The following CTIF variants were observed in gnomAD, a reference collection of about 807,000 sequenced individuals.
The protein encoded by CTIF is cap binding complex dependent translation initiation factor.
Under a neutral mutation model 66.0 loss-of-function variants are expected in CTIF, and 21 were observed. That is an observed-to-expected ratio of 0.32 (90% CI 0.23 to 0.46). CTIF has a LOEUF of 0.46. Among genes scored for constraint, CTIF ranks in the 20% least tolerant of loss-of-function variants. The probability of loss-of-function intolerance (pLI) is 1.00; values close to 1 mark genes in which losing one functional copy is unlikely to be tolerated. For synonymous variants in CTIF, 345 were observed against 326.4 expected (o/e 1.06, Z -0.62); for missense variants, 739 against 812.7 (o/e 0.91, Z 1.10).
intron 10 of CTIF, among the ~76,000 whole-genome samples, chr18:48,853,473 C>T (rs761419987): frequency 6.6e-6 from 1 of 152,166 alleles, no homozygotes; most frequent in Non-Finnish European, 1.5e-5. Flanking sequence ...GTGCCTGTCA[C>T]GTGTGCAGCC....
intron 6 of CTIF, among the ~76,000 whole-genome samples, chr18:48,707,933 T>C (rs2092179280): frequency 1.3e-5 from 2 of 152,180 alleles, no homozygotes; most frequent in Non-Finnish European, 1.5e-5. Context: ...CAGATATGCC[T>C]ATTATGGACG....
intron 2 of CTIF, 43 bp downstream of exon 2, chr18:48,619,788 G>A: frequency 6.8e-7 from 1 of 1,465,174 alleles, no homozygotes; most frequent in South Asian, 1.4e-5. Context: ...GAAATTCAGA[G>A]GGGGTGATGC....
chr18:48,838,734 C>T (rs772075235), intron 10 of CTIF, among the ~76,000 whole-genome samples: 34 of 152,220 alleles, frequency 2.2e-4, no homozygotes, highest in Non-Finnish European at 3.8e-4. Context: ...GGCCCCTTAA[C>T]CAGAAGCATA....
chr18:48,573,925 G>T (rs1021295401), intron 1 of CTIF, among the ~76,000 whole-genome samples: 1 of 151,708 alleles, frequency 6.6e-6, no homozygotes, highest in East Asian at 1.9e-4. Flanking sequence ...TGACACCCCT[G>T]GTGGCTGGTG....
intron 1 of CTIF, among the ~76,000 whole-genome samples, chr18:48,547,284 C>T (rs1446151783): frequency 6.6e-6 from 1 of 152,212 alleles, no homozygotes; most frequent in African/African-American, 2.4e-5. Context: ...AGAACATTCT[C>T]CCTACTGCAT....
At chr18:48,590,484 C>G (rs1335484912) in intron 1 of CTIF, among the ~76,000 whole-genome samples, 2 of 152,240 alleles carry the variant, frequency 1.3e-5, no homozygotes, top group African/African-American at 4.8e-5. Context: ...GTGACATAGT[C>G]CAGTGCACCC....
chr18:48,746,494 C>T (rs965480307), intron 7 of CTIF, among the ~76,000 whole-genome samples: 35 of 150,860 alleles, frequency 2.3e-4, no homozygotes, highest in African/African-American at 8.3e-4. Context: ...CAAGCAGATG[C>T]GGCACTATGA....
At chr18:48,822,277 G>A (rs4939816) in intron 10 of CTIF, among the ~76,000 whole-genome samples, 55,101 of 152,038 alleles carry the variant, frequency 0.36, 10,847 homozygotes, top group South Asian at 0.52. Flanking sequence ...TGCATAGAAT[G>A]TGTAATGATC....
intron 1 of CTIF, among the ~76,000 whole-genome samples, chr18:48,542,132 A>T (rs2088636359): frequency 6.6e-6 from 1 of 152,240 alleles, no homozygotes; most frequent in Non-Finnish European, 1.5e-5. Context: ...TTTGTTAACC[A>T]TTCCTAATGA....
Position 48,836,990 on chromosome 18 carries a change from C to T in CTIF, c.1527+19614C>T, listed in dbSNP as rs116565071. 4.8e-3 allele frequency among the ~76,000 whole-genome samples: 730 copies of T among 152,250 alleles called. 3 individuals are homozygous for T. The highest frequency in any genetic ancestry group is 0.016 in the African/African-American group (667 of 41,538). ...TTGTCCCTTCCCATCGCATAAGGAG[C>T]GGGGAAGGGCAGGAAACTGAGGCAG... On this transcript the variant is annotated intron_variant, in intron 10 of 11. Transcript: ENST00000256413.
At position 48,685,851 on chromosome 18, in the gene CTIF, A is replaced by G. The variant is rs534829167; in HGVS notation, c.507+15107A>G. ...GCCACCACGCCTGGCTAATTTTTGT[A>G]TTTTTAGTAGAGATGGGGTTTCACT... is the stretch of plus-strand genomic sequence containing the variant. On this transcript the variant is annotated intron_variant, in intron 6 of 11. Transcript: ENST00000256413. Among the ~76,000 whole-genome samples, 4 of 151,762 alleles carry G rather than the reference A, an allele frequency of 2.6e-5. No individual in the cohort carries two copies. In the South Asian group the frequency reaches 8.3e-4, roughly 32 times the overall value.
intron 1 of CTIF, among the ~76,000 whole-genome samples, chr18:48,576,015 G>A (rs1029253651): frequency 8.5e-5 from 13 of 152,258 alleles, no homozygotes; most frequent in Admixed American, 3.9e-4. Flanking sequence ...GTGCACTGTG[G>A]AACAATCGGC....
At chr18:48,610,073 A>T (rs1205105350) in intron 1 of CTIF, among the ~76,000 whole-genome samples, 7 of 152,200 alleles carry the variant, frequency 4.6e-5, no homozygotes, top group African/African-American at 1.2e-4. Flanking sequence ...TGGGGGAGCC[A>T]CAGGCCCGTC....
rs543097734 is a variant in CTIF at position 48,676,841 on chromosome 18, C to T, written c.507+6097C>T. The stretch of plus-strand genomic sequence containing the variant: ...CTCCCCACTACCTCTCTAAAGAATC[C>T]GAGGGACAAATGAGCTTTCAAAATG... On this transcript the variant is annotated intron_variant, in intron 6 of 11. Coordinates refer to ENST00000256413, the MANE Select transcript of CTIF (RefSeq NM_014772.3). Among the ~76,000 whole-genome samples, 31 of 151,992 alleles carry T rather than the reference C, an allele frequency of 2.0e-4. No individual in the cohort carries two copies. In the South Asian group the frequency reaches 3.9e-3, roughly 19 times the overall value.
intron 7 of CTIF, among the ~76,000 whole-genome samples, chr18:48,737,682 A>G (rs1469701926): frequency 6.6e-6 from 1 of 152,228 alleles, no homozygotes; most frequent in African/African-American, 2.4e-5. Flanking sequence ...GAAAAGACAG[A>G]TAGAAATATA....
chr18:48,550,178 G>T (rs1053861697), intron 1 of CTIF, among the ~76,000 whole-genome samples: 5 of 152,192 alleles, frequency 3.3e-5, no homozygotes, highest in South Asian at 2.1e-4. Context: ...TCTCCCAGCA[G>T]CTCCTCCACT....
intron 1 of CTIF, among the ~76,000 whole-genome samples, chr18:48,601,286 A>G (rs1159462768): frequency 6.6e-6 from 1 of 152,158 alleles, no homozygotes; most frequent in Non-Finnish European, 1.5e-5. Context: ...ACCTTGATCT[A>G]CTGCTCTGTG....
intron 6 of CTIF, among the ~76,000 whole-genome samples, chr18:48,678,105 A>G (rs1194210099): frequency 6.6e-6 from 1 of 152,202 alleles, no homozygotes; most frequent in Non-Finnish European, 1.5e-5. Flanking sequence ...GAGGTGCTGG[A>G]AAAACATTTT....
intron 10 of CTIF, among the ~76,000 whole-genome samples, chr18:48,850,435 T>G (rs569305404): frequency 6.6e-6 from 1 of 152,224 alleles, no homozygotes; most frequent in Non-Finnish European, 1.5e-5. Context: ...ATGAGAGAGC[T>G]AGTCGGCCCT....
Sources: allele counts gnomAD v4.1 joint callset (sites outside exome capture counted in the v4.1 genomes callset), GRCh38; gene constraint gnomAD v4.1.1; transcripts MANE v1.5; gene names NCBI Gene and HGNC (gene_info 2026-07-23, HGNC 2026-07-21).